Variants in TBC1D8 observed in about 807,000 individuals in gnomAD.
The protein encoded by TBC1D8 is TBC1 domain family member 8.
TBC1D8 carries 65 observed loss-of-function variants against 118.8 expected under a neutral mutation model. The observed-to-expected ratio is 0.55, with a 90% confidence interval of 0.45 to 0.67. The LOEUF (loss-of-function observed/expected upper bound fraction) is 0.67, where lower values mean the gene tolerates loss of function less well. TBC1D8 is among the 30% of genes least tolerant of loss of function. The probability of loss-of-function intolerance (pLI) is 0.00; values close to 1 mark genes in which losing one functional copy is unlikely to be tolerated. For missense variants in TBC1D8, 1,376 were observed against 1,471.2 expected (o/e 0.94, Z 1.06); for synonymous variants, 566 against 595.8 (o/e 0.95, Z 0.73).
At chr2:101,064,317 G>A (rs1682910539) in intron 2 of TBC1D8, among the ~76,000 whole-genome samples, 2 of 152,144 alleles carry the variant, frequency 1.3e-5, no homozygotes, top group African/African-American at 4.8e-5. Context: ...AAGGAGAGAG[G>A]AGACCTCACC....
intron 1 of TBC1D8, among the ~76,000 whole-genome samples, chr2:101,093,264 A>G (rs762482692): frequency 1.3e-5 from 2 of 152,158 alleles, no homozygotes; most frequent in Admixed American, 6.6e-5. Flanking sequence ...ATCAAAAGTT[A>G]TATGTGAGGA....
intron 1 of TBC1D8, among the ~76,000 whole-genome samples, chr2:101,128,987 T>C (rs1678469863): frequency 6.6e-6 from 1 of 152,192 alleles, no homozygotes; most frequent in South Asian, 2.1e-4. Context: ...GCTCTGACTT[T>C]CATTTAGAGA....
intron 1 of TBC1D8, among the ~76,000 whole-genome samples, chr2:101,123,893 C>T (rs1480404069): frequency 4.6e-5 from 7 of 152,142 alleles, no homozygotes; most frequent in African/African-American, 9.7e-5. Flanking sequence ...AGCATACTCA[C>T]CAACCAGGAA....
chr2:101,120,073 G>C (rs1236078625), intron 1 of TBC1D8, among the ~76,000 whole-genome samples: 1 of 152,044 alleles, frequency 6.6e-6, no homozygotes, highest in Non-Finnish European at 1.5e-5. Flanking sequence ...GTGCAGAGAG[G>C]GTCCCTGACT....
chr2:101,144,862 C>G (rs1679257287), intron 1 of TBC1D8, among the ~76,000 whole-genome samples: 1 of 152,086 alleles, frequency 6.6e-6, no homozygotes, highest in Admixed American at 6.5e-5. Flanking sequence ...CGCTTGAACC[C>G]AGGAGGTGGA....
intron 1 of TBC1D8, among the ~76,000 whole-genome samples, chr2:101,145,929 T>C (rs1323372031): frequency 6.6e-6 from 1 of 152,260 alleles, no homozygotes; most frequent in African/African-American, 2.4e-5. Flanking sequence ...TGTCCTTCAC[T>C]ACAATGCAAA....
At chr2:101,027,987 G>A in intron 14 of TBC1D8, 61 bp downstream of exon 14, 1 of 1,459,186 alleles carries the variant, frequency 6.9e-7, no homozygotes, top group East Asian at 2.3e-5. Context: ...CAAAAAGGAT[G>A]CGCACTCCCA....
chr2:101,032,242 CAGG>C (rs1680710204), intron 11 of TBC1D8, 23 bp downstream of exon 11: 4 of 1,598,798 alleles, frequency 2.5e-6, no homozygotes, highest in Non-Finnish European at 3.4e-6. Context: ...CCCAGATACA[CAGG>C]AGGAGGAAGG....
At chr2:101,016,639 G>A (rs1434029524) in intron 17 of TBC1D8, among the ~76,000 whole-genome samples, 2 of 152,042 alleles carry the variant, frequency 1.3e-5, no homozygotes, top group East Asian at 1.9e-4. Context: ...GTTTATTGCG[G>A]CACTATTCAC....
intron 5 of TBC1D8, among the ~76,000 whole-genome samples, chr2:101,048,740 T>A (rs200642557): frequency 1.2e-3 from 165 of 132,222 alleles, no homozygotes; most frequent in African/African-American, 4.3e-3. Context: ...TAAGTCTTTT[T>A]AAAAAAAAAA....
At chr2:101,051,183 T>C (rs1682049876) in intron 4 of TBC1D8, among the ~76,000 whole-genome samples, 2 of 152,238 alleles carry the variant, frequency 1.3e-5, no homozygotes, top group South Asian at 4.1e-4. Context: ...GTTGATTCCA[T>C]GTCTTTGCTA....
At chr2:101,143,353 GCA>G (rs1679195239) in intron 1 of TBC1D8, among the ~76,000 whole-genome samples, 1 of 151,990 alleles carries the variant, frequency 6.6e-6, no homozygotes, top group Non-Finnish European at 1.5e-5. Flanking sequence ...GAGCCACCAC[GCA>G]CAGACACCTT....
intron 1 of TBC1D8, among the ~76,000 whole-genome samples, chr2:101,123,310 A>C (rs960575187): frequency 1.3e-5 from 2 of 152,146 alleles, no homozygotes; most frequent in Admixed American, 1.3e-4. Flanking sequence ...CTCCTTCCCA[A>C]TGTGGATGCC....
chr2:101,073,260 A>ATTT (rs111766054), intron 2 of TBC1D8, among the ~76,000 whole-genome samples: 1 of 149,630 alleles, frequency 6.7e-6, no homozygotes, highest in African/African-American at 2.5e-5. Flanking sequence ...ACATTGTTTT[A>ATTT]TTTTTTTTAT....
rs1678789546 is a variant in TBC1D8, at chr2:101,007,242, T to TACTTGGAAA, written c.*578_*579insTTTCCAAGT. On this transcript the variant is annotated 3_prime_UTR_variant, in exon 20 of 20. Transcript: ENST00000409318. ...AAAGGACCAAGTAAATACAAAAAGT[T>TACTTGGAAA]TCTTATTAAAAAACTTGGAAGCCAA... 1 of 152,346 alleles carries TACTTGGAAA rather than the reference T, an allele frequency of 6.6e-6. No homozygotes were observed. Among genetic ancestry groups the TACTTGGAAA allele is most frequent in the Admixed American group, 6.5e-5 (1 of 15,292 alleles). 9.4% of individuals were successfully genotyped at this position (152,346 alleles called of 1,614,324 possible).
intron 17 of TBC1D8, among the ~76,000 whole-genome samples, chr2:101,016,231 AAAAC>A (rs1300081446): frequency 5.1e-4 from 77 of 152,364 alleles, no homozygotes; most frequent in Non-Finnish European, 7.3e-4. Flanking sequence ...TTACAAGAAA[AAAAC>A]AAACAACGCC....
At chr2:101,105,025 CAAAA>C (rs4069926) in intron 1 of TBC1D8, among the ~76,000 whole-genome samples, 4 of 115,676 alleles carry the variant, frequency 3.5e-5, no homozygotes, top group Middle Eastern at 4.8e-3. Context: ...AACTCTATCT[CAAAA>C]AAAAAAAAAA....
At chr2:101,126,613 G>C (rs1282770963) in intron 1 of TBC1D8, among the ~76,000 whole-genome samples, 28 of 152,204 alleles carry the variant, frequency 1.8e-4, no homozygotes, top group Non-Finnish European at 7.3e-5. Flanking sequence ...TATACAGAGA[G>C]AGGTAAAGTA....
rs557535975 is a variant in TBC1D8, at chr2:101,117,645, T to C, written c.128-27281A>G. The stretch of plus-strand genomic sequence containing the variant: ...CTGGAGTGCAGTGGCGCCATCTCGG[T>C]TCACTGCAAGCTCTGCCTCCCGGGT... On this transcript the variant is annotated intron_variant, in intron 1 of 19. Coordinates refer to ENST00000409318, the MANE Select transcript of TBC1D8 (RefSeq NM_001330348.2). 2.6e-3 allele frequency among the ~76,000 whole-genome samples: 388 copies of C among 149,254 alleles called. 3 individuals carry two copies. The highest frequency in any genetic ancestry group is 8.6e-3 in the African/African-American group (346 of 40,334).
Sources: gnomAD v4.1 joint callset for allele counts (sites outside exome capture counted in the v4.1 genomes callset) on GRCh38, gnomAD v4.1.1 for gene constraint, MANE v1.5 for transcripts, NCBI Gene and HGNC (gene_info 2026-07-23, HGNC 2026-07-21) for gene names.